The following KCNN1 variants were observed in gnomAD, a reference collection of about 807,000 sequenced individuals.
KCNN1 encodes the protein small conductance calcium-activated potassium channel protein 1.
In KCNN1, 20 loss-of-function variants were observed where a neutral mutation model predicts 44.7. That is an observed-to-expected ratio of 0.45 (90% CI 0.32 to 0.65). The LOEUF (loss-of-function observed/expected upper bound fraction) is 0.65, where lower values mean the gene tolerates loss of function less well. Among genes scored for constraint, KCNN1 ranks in the 30% least tolerant of loss-of-function variants. The pLI is 0.05. For synonymous variants in KCNN1, 324 were observed against 341.7 expected (o/e 0.95, Z 0.57); for missense variants, 632 against 785.3 (o/e 0.80, Z 2.33).
At chr19:17,962,792 C>T (rs2031711810), upstream of KCNN1, among the ~76,000 whole-genome samples, 1 of 151,840 alleles carries the variant, frequency 6.6e-6, no homozygotes, top group Non-Finnish European at 1.5e-5. Context: ...ACTGCAACCT[C>T]TGCCTTCTGG....
chr19:17,996,828 TAGGGGGCAC>T (rs377047734), intron 9 of KCNN1, among the ~76,000 whole-genome samples: 24 of 152,116 alleles, frequency 1.6e-4, no homozygotes, highest in African/African-American at 5.8e-4. Flanking sequence ...GGGAAAAGGG[TAGGGGGCAC>T]AGTGGAGGAA....
At chr19:17,962,131 C>T (rs768579062), upstream of KCNN1, among the ~76,000 whole-genome samples, 2 of 152,138 alleles carry the variant, frequency 1.3e-5, no homozygotes, top group African/African-American at 4.8e-5. Flanking sequence ...CTAGCCTGAG[C>T]GTGAGGAGGG....
intron 9 of KCNN1, among the ~76,000 whole-genome samples, chr19:17,997,446 C>T (rs2033038185): frequency 6.6e-6 from 1 of 152,166 alleles, no homozygotes; most frequent in Non-Finnish European, 1.5e-5. Context: ...GGGCATGTCC[C>T]CCCACCCCAG....
chr19:17,963,622 AT>A (rs2031734308), upstream of KCNN1, among the ~76,000 whole-genome samples: 1 of 151,642 alleles, frequency 6.6e-6, no homozygotes, highest in African/African-American at 2.4e-5. Context: ...AGCTCAAATG[AT>A]TTCTCTTCTA....
chr19:17,954,941 G>A (rs961436155), intron 2 of KCNN1, among the ~76,000 whole-genome samples: 2 of 151,900 alleles, frequency 1.3e-5, no homozygotes. Flanking sequence ...GGGAGGCTGA[G>A]GCAGGAGGAC....
At chr19:17,966,963 G>A (rs891668375), upstream of KCNN1, among the ~76,000 whole-genome samples, 3 of 151,710 alleles carry the variant, frequency 2.0e-5, no homozygotes, top group Admixed American at 6.6e-5. Context: ...GCCGCATGCC[G>A]GGGGGTTGCA....
intron 7 of KCNN1, among the ~76,000 whole-genome samples, chr19:17,990,485 A>G (rs532831133): frequency 8.6e-4 from 129 of 150,472 alleles, no homozygotes; most frequent in African/African-American, 2.8e-3. Flanking sequence ...TTGTCTCAAA[A>G]AAAAAAAAAG....
chr19:17,961,688 TCTC>T (rs1260611063), intron 2 of KCNN1, among the ~76,000 whole-genome samples: 1 of 151,210 alleles, frequency 6.6e-6, no homozygotes, highest in Non-Finnish European at 1.5e-5. Context: ...TTCAAGCAGT[TCTC>T]CTGCCTCAGC....
Position 17,967,131 on chromosome 19 carries a change from G to A in KCNN1, c.-268G>A, listed in dbSNP as rs1233552210. 3.1e-6 allele frequency: 3 copies of A among 975,650 alleles called. No individual in the cohort carries two copies. The highest frequency in any genetic ancestry group is 1.2e-4 in the East Asian group (1 of 8,684). 60.4% of individuals were successfully genotyped at this position (975,650 alleles called of 1,614,324 possible). ...CGGGCGCTCGCCCCCCGCCGGGCCC[G>A]TGGACTGGGCGGCGGGGGATGCGCC... is the stretch of plus-strand genomic sequence containing the variant. On this transcript the variant is annotated 5_prime_UTR_variant, in exon 1 of 10. In the 5' UTR this introduces an upstream ATG that the reference lacks. Transcript: ENST00000684775.
At chr19:17,957,361 GAGGA>G (rs1005242115) in intron 2 of KCNN1, among the ~76,000 whole-genome samples, 37 of 151,012 alleles carry the variant, frequency 2.5e-4, no homozygotes, top group African/African-American at 8.3e-4. Context: ...AAAGAAGAAA[GAGGA>G]AGGGAGGGAG....
At chr19:17,977,551 T>C (rs1038827132) in intron 3 of KCNN1, among the ~76,000 whole-genome samples, 1 of 151,970 alleles carries the variant, frequency 6.6e-6, no homozygotes, top group African/African-American at 2.4e-5. Context: ...GGTCTTACCA[T>C]GTTGGCCAGG....
At position 17,983,190 on chromosome 19, in the gene KCNN1, T is replaced by G. The variant is rs2032478910; in HGVS notation, c.917+1063T>G. On this transcript the variant is annotated intron_variant, in intron 4 of 9. Transcript: ENST00000684775. The surrounding 1 kb of genome is among the most constrained non-coding windows in gnomAD (Gnocchi z 4.5). The stretch of plus-strand genomic sequence containing the variant: ...GGACAAAGGGACTTGCCCGGAGCCT[T>G]GAGTCCTGGCAGTCTCAGAGGCAGG... Among the ~76,000 whole-genome samples, 1 of 151,942 alleles carries G rather than the reference T, an allele frequency of 6.6e-6. No individual in the cohort carries two copies. Among genetic ancestry groups the G allele is most frequent in the Admixed American group, 6.6e-5 (1 of 15,264 alleles).
intron 3 of KCNN1, among the ~76,000 whole-genome samples, chr19:17,979,536 G>A (rs1266008054): frequency 7.6e-6 from 1 of 131,806 alleles, no homozygotes; most frequent in Non-Finnish European, 1.6e-5. Context: ...GGTGGGGGGT[G>A]GGGGAGGGGG....
intron 6 of KCNN1, 33 bp from the exon 7 acceptor site, chr19:17,989,683 A>G (rs1462730114): frequency 6.2e-7 from 1 of 1,613,192 alleles, no homozygotes. Context: ...ATTTCGCGCC[A>G]ACCCTGAGGA....
Position 17,993,578 on chromosome 19 carries a change from G to C in KCNN1, c.1377+19G>C, listed in dbSNP as rs754353710. The stretch of plus-strand genomic sequence containing the variant: ...AGCCAAGGTGAGTGGGTTGGGGCAG[G>C]GTGGGCCAGACAGGGCAGGTGGGGC... On this transcript the variant is annotated intron_variant, in intron 9 of 9. Transcript: ENST00000684775. The surrounding 1 kb of genome is among the most constrained non-coding windows in gnomAD (Gnocchi z 4.5). 2 of 1,612,304 alleles carry C rather than the reference G, an allele frequency of 1.2e-6. No homozygotes were observed. Among genetic ancestry groups the C allele is most frequent in the African/African-American group, 1.3e-5 (1 of 75,046 alleles).
rs181512794 is a variant in KCNN1 at position 17,990,669 on chromosome 19, G to A, written c.1298+826G>A. On this transcript the variant is annotated intron_variant, in intron 7 of 9. Transcript: ENST00000684775. Reference sequence around the variant, plus strand: ...CAAAAAATTAGCCGGGCGTGGTGGCGGACGCCTGTAGTCCCAGCTACTCGG... The same window carrying A: ...CAAAAAATTAGCCGGGCGTGGTGGCAGACGCCTGTAGTCCCAGCTACTCGG... Among the ~76,000 whole-genome samples the A allele has an allele frequency of 1.2e-3, 178 of 151,164 alleles. 2 individuals carry two copies. The highest frequency in any genetic ancestry group is 3.4e-4 in the Non-Finnish European group (23 of 67,750).
intron 5 of KCNN1, among the ~76,000 whole-genome samples, chr19:17,987,795 G>A (rs1383159650): frequency 2.9e-5 from 4 of 140,082 alleles, no homozygotes; most frequent in African/African-American, 1.1e-4. Flanking sequence ...CCAGGTGTCC[G>A]AGACCAGCCT....
intron 3 of KCNN1, among the ~76,000 whole-genome samples, chr19:17,979,795 CT>C (rs1054227401): frequency 4.6e-5 from 7 of 151,472 alleles, no homozygotes; most frequent in Admixed American, 6.6e-5. Context: ...AAGGAAGTGA[CT>C]TTTTTTTCTT....
chr19:17,986,193 G>A (rs2032588271), intron 5 of KCNN1, among the ~76,000 whole-genome samples: 1 of 151,112 alleles, frequency 6.6e-6, no homozygotes, highest in Admixed American at 6.6e-5. Flanking sequence ...GTGAGACCCA[G>A]TCTGTACTAA....
Sources: allele counts gnomAD v4.1 joint callset (sites outside exome capture counted in the v4.1 genomes callset), GRCh38; gene constraint gnomAD v4.1.1; non-coding constraint Gnocchi (gnomAD v3.1); transcripts MANE v1.5; gene names NCBI Gene and HGNC (gene_info 2026-07-23, HGNC 2026-07-21).